COL5A1: variants seen among roughly 807,000 people sequenced by gnomAD.
COL5A1 encodes collagen alpha-1(V) chain.
A neutral mutation model predicts 263.7 loss-of-function variants in COL5A1; 16 were observed. That is an observed-to-expected ratio of 0.06 (90% CI 0.04 to 0.09). The LOEUF is 0.09. Ranked by LOEUF, COL5A1 falls within the 10% of genes least tolerant of loss-of-function variation. The pLI is 1.00. For missense variants in COL5A1, 2,036 were observed against 2,540.5 expected (o/e 0.80, Z 4.27); for synonymous variants, 1,012 against 1,004.5 (o/e 1.01, Z -0.14).
At chr9:134,745,816 A>G (rs372628539) in intron 11 of COL5A1, among the ~76,000 whole-genome samples, 15 of 151,478 alleles carry the variant, frequency 9.9e-5, no homozygotes, top group African/African-American at 2.9e-4. Context: ...GCAGGGCCGC[A>G]CCCCCTCTGG....
At chr9:134,664,927 G>A (rs969928177) in intron 1 of COL5A1, among the ~76,000 whole-genome samples, 3 of 152,068 alleles carry the variant, frequency 2.0e-5, no homozygotes, top group Non-Finnish European at 4.4e-5. Context: ...AGCTGGGCAC[G>A]GTGGCTCACG....
At chr9:134,723,311 G>A (rs1349244244) in intron 4 of COL5A1, among the ~76,000 whole-genome samples, 1 of 122,050 alleles carries the variant, frequency 8.2e-6, no homozygotes, top group African/African-American at 4.3e-5. Flanking sequence ...GATGTGGGGT[G>A]ATGCGGGGGG....
At chr9:134,691,188 C>A in intron 2 of COL5A1, 109 bp downstream of exon 2, 1 of 1,400,086 alleles carries the variant, frequency 7.1e-7, no homozygotes. Flanking sequence ...CTCAGCTTTC[C>A]AGGAAGCCCC....
chr9:134,719,315 ACG>A (rs1261644559), intron 4 of COL5A1, among the ~76,000 whole-genome samples: 3 of 152,340 alleles, frequency 2.0e-5, no homozygotes, highest in African/African-American at 4.8e-5. Flanking sequence ...CATGTATGTC[ACG>A]CACACACACC....
chr9:134,799,785 G>T (rs1311150344), intron 37 of COL5A1, among the ~76,000 whole-genome samples: 1 of 152,202 alleles, frequency 6.6e-6, no homozygotes, highest in Non-Finnish European at 1.5e-5. Context: ...CATTTCTTCT[G>T]AGCTTTGCAT....
intron 11 of COL5A1, among the ~76,000 whole-genome samples, chr9:134,739,210 G>A (rs1176343765): frequency 6.6e-6 from 1 of 152,234 alleles, no homozygotes; most frequent in South Asian, 2.1e-4. Context: ...CTTGGTCTGG[G>A]TTGCACCTGG....
chr9:134,830,829 T>C lies in COL5A1; in HGVS notation c.5136+785T>C, dbSNP rs562027475. 8.4e-4 allele frequency among the ~76,000 whole-genome samples: 128 copies of C among 152,320 alleles called. 1 individual carries two copies. Among genetic ancestry groups the C allele is most frequent in the African/African-American group, 2.5e-3 (104 of 41,578 alleles). Reference sequence around the variant, plus strand: ...GTGCCCAAGAGCCAGTTTGGACACATTGATGTGAGGACAGCGGCTGCTTCT... The same window carrying C: ...GTGCCCAAGAGCCAGTTTGGACACACTGATGTGAGGACAGCGGCTGCTTCT... On this transcript the variant is annotated intron_variant, in intron 64 of 65. Coordinates refer to ENST00000371817, the MANE Select transcript of COL5A1 (RefSeq NM_000093.5).
At chr9:134,745,683 G>A (rs1016812506) in intron 11 of COL5A1, among the ~76,000 whole-genome samples, 1 of 152,174 alleles carries the variant, frequency 6.6e-6, no homozygotes, top group Non-Finnish European at 1.5e-5. Flanking sequence ...CTCAATGAAC[G>A]AACGAATGGT....
intron 4 of COL5A1, among the ~76,000 whole-genome samples, chr9:134,717,547 C>T (rs1483358791): frequency 6.6e-6 from 1 of 152,214 alleles, no homozygotes; most frequent in African/African-American, 2.4e-5. Context: ...CTCCCGGCCT[C>T]CGTCCCTCCC....
Position 134,691,068 on chromosome 9 carries a change from A to T in COL5A1, c.266A>T (p.Gln89Leu). The T allele has an allele frequency of 6.2e-7, 1 of 1,613,290 alleles. No individual in the cohort carries two copies. The highest frequency in any genetic ancestry group is 8.5e-7 in the Non-Finnish European group (1 of 1,180,042). ...GCGCAGCTCAGCGCACCCACCAAGC[A>T]GCTGTACCCTGGTAAGTGCCGCACC... is the stretch of plus-strand genomic sequence containing the variant. Reference protein sequence around the residue: ...KDAQLSAPTKQLYPASAFPED... With the variant: ...KDAQLSAPTKLLYPASAFPED... The change falls in exon 2 of 66, where the codon CAG becomes CTG. Residue 89 changes from glutamine (Q) to leucine (L), a missense_variant. Gln to Leu is a moderately radical substitution (Grantham distance 113). Transcript: ENST00000371817.
intron 26 of COL5A1, among the ~76,000 whole-genome samples, chr9:134,774,000 G>C (rs1836961397): frequency 6.6e-6 from 1 of 152,230 alleles, no homozygotes; most frequent in African/African-American, 2.4e-5. Context: ...AGAGGTGGAG[G>C]CAGCACCTGG....
At chr9:134,728,553 C>G in intron 5 of COL5A1, 117 bp from the exon 6 acceptor site, 1 of 1,475,854 alleles carries the variant, frequency 6.8e-7, no homozygotes, top group Non-Finnish European at 9.4e-7. Flanking sequence ...GAGGTTCACG[C>G]CTGGGGCTGG....
chr9:134,832,353 C>T lies in COL5A1; in HGVS notation c.5136+2309C>T, dbSNP rs137977737. On this transcript the variant is annotated intron_variant, in intron 64 of 65. Coordinates refer to ENST00000371817, the MANE Select transcript of COL5A1 (RefSeq NM_000093.5). ...CCCAGGAGGCAGAGGTTGCAGTGAGCTGAGATCGCGCCACTGCACTCCATC... is the reference window on the plus strand; with the variant it reads ...CCCAGGAGGCAGAGGTTGCAGTGAGTTGAGATCGCGCCACTGCACTCCATC... 5.2e-3 allele frequency among the ~76,000 whole-genome samples: 790 copies of T among 152,222 alleles called. 9 individuals are homozygous for T. The highest frequency in any genetic ancestry group is 0.017 in the African/African-American group (723 of 41,538).
Position 134,653,753 on chromosome 9 carries a change from G to A in COL5A1, c.109+11457G>A, listed in dbSNP as rs1831777581. ...TTCAGGCAGGGGGCTATAGGGCTGGGGACTCTGCAGGGCTGGGGGTGTCTG... is the reference window on the plus strand; with the variant it reads ...TTCAGGCAGGGGGCTATAGGGCTGGAGACTCTGCAGGGCTGGGGGTGTCTG... On this transcript the variant is annotated intron_variant, in intron 1 of 65. Transcript: ENST00000371817. Among the ~76,000 whole-genome samples the A allele has an allele frequency of 2.6e-5, 4 of 151,450 alleles. No homozygotes were observed. In the South Asian group the frequency reaches 8.3e-4, roughly 32 times the overall value.
At chr9:134,685,370 TTCA>T (rs1833007371) in intron 1 of COL5A1, among the ~76,000 whole-genome samples, 1 of 140,372 alleles carries the variant, frequency 7.1e-6, no homozygotes, top group African/African-American at 2.7e-5. Context: ...CCACCATCCA[TTCA>T]CCCATCCATT....
chr9:134,649,588 T>A (rs1346205916), intron 1 of COL5A1: 1 of 442,318 alleles, frequency 2.3e-6, no homozygotes, highest in Non-Finnish European at 4.5e-6. Context: ...TTTTTTTCTG[T>A]AAATAAATGC....
intron 11 of COL5A1, among the ~76,000 whole-genome samples, chr9:134,746,871 C>T (rs975433495): frequency 1.4e-4 from 22 of 152,362 alleles, no homozygotes; most frequent in Middle Eastern, 6.8e-3. Context: ...CCTGCTGGAG[C>T]GTTCCCTTGG....
chr9:134,738,583 CT>C (rs1453381458), intron 10 of COL5A1, 68 bp downstream of exon 10: 17 of 1,593,440 alleles, frequency 1.1e-5, no homozygotes, highest in Non-Finnish European at 1.5e-5. Flanking sequence ...GGTGACACCC[CT>C]TATGTCTCCT....
chr9:134,786,386 T>C (rs773160451), intron 31 of COL5A1, among the ~76,000 whole-genome samples: 1 of 152,190 alleles, frequency 6.6e-6, no homozygotes, highest in Non-Finnish European at 1.5e-5. Flanking sequence ...CTGCATTAAT[T>C]TGCCGAGTTG....
Sources: gnomAD v4.1 joint callset for allele counts (sites outside exome capture counted in the v4.1 genomes callset) on GRCh38, gnomAD v4.1.1 for gene constraint, MANE v1.5 for transcripts, NCBI Gene and HGNC (gene_info 2026-07-23, HGNC 2026-07-21) for gene names.